NARF: variants seen among roughly 807,000 people sequenced by gnomAD.
NARF encodes nuclear prelamin A recognition factor, also known as iron-only hydrogenase-like protein 2.
A neutral mutation model predicts 48.0 loss-of-function variants in NARF; 41 were observed. That is an observed-to-expected ratio of 0.85 (90% confidence interval 0.66 to 1.11). NARF has a LOEUF of 1.11. NARF is among the 50% of genes least tolerant of loss of function. The pLI, the probability that NARF is intolerant of heterozygous loss-of-function variation, is 0.00. For missense variants in NARF, 613 were observed against 590.2 expected (o/e 1.04, Z -0.40); for synonymous variants, 215 against 225.5 (o/e 0.95, Z 0.42).
chr17:82,465,934 CTGACTTATATGCACT>C (rs886357581), intron 3 of NARF, among the ~76,000 whole-genome samples: 6 of 152,202 alleles, frequency 3.9e-5, no homozygotes, highest in Admixed American at 6.5e-5. Context: ...TGGGTGTACC[CTGACTTATATGCACT>C]TGCACGGGAA....
In NARF at chr17:82,484,945, C is replaced by T. The variant is rs752639467; in HGVS notation, c.966C>T (p.Ala322=). 1.9e-6 allele frequency: 3 copies of T among 1,606,548 alleles called. No homozygotes were observed. Among genetic ancestry groups the T allele is most frequent in the South Asian group, 2.2e-5 (2 of 89,850 alleles). ...ATGTGGAGGAGGTCACTTACCGAGC[C>T]CTGAGGTGTGGGGCAGTATCCACAG... The part of the protein sequence containing the change: ...NEDVEEVTYR[A]LRNKDFQEVT... Residue 322 remains alanine (A), a synonymous_variant, in exon 9 of 11, where the codon GCC becomes GCT. Transcript: ENST00000309794.
At chr17:82,483,899 GC>G (rs2044033434) in intron 8 of NARF, 120 bp downstream of exon 8, 1 of 877,822 alleles carries the variant, frequency 1.1e-6, no homozygotes. Flanking sequence ...GCACTGCGAT[GC>G]AGTCCCCCAG....
chr17:82,459,223 G>A (rs1474815596), intron 1 of NARF: 25 of 1,010,742 alleles, frequency 2.5e-5, no homozygotes, highest in Non-Finnish European at 2.7e-5. Context: ...GCCGGTGCAG[G>A]GGCGGAAGCG....
intron 2 of NARF, chr17:82,463,532 G>A (rs1456814991): frequency 2.0e-5 from 3 of 152,312 alleles, no homozygotes; most frequent in South Asian, 2.1e-4. Context: ...GCTTCATGCA[G>A]AAGGATGGCG....
intron 3 of NARF, among the ~76,000 whole-genome samples, chr17:82,467,700 C>T (rs543300756): frequency 6.7e-4 from 102 of 152,108 alleles, no homozygotes; most frequent in African/African-American, 2.1e-3. Flanking sequence ...AGATGGGTTT[C>T]GCCATGTTGG....
In NARF at chr17:82,468,844, C is replaced by T. The variant is rs758706077; in HGVS notation, c.333C>T (p.Asn111=). 8 of 1,614,010 alleles carry T rather than the reference C, an allele frequency of 5.0e-6. No homozygotes were observed. The East Asian group carries it at 1.6e-4, about 31-fold the overall frequency. ...TGCCTTATTTTGCTGCTAAATTCAA[C>T]CTCAGTGTAACTGATGCATCCAGAA... is the stretch of plus-strand genomic sequence containing the variant. ...QSLPYFAAKF[N]LSVTDASRRL... Residue 111 remains asparagine (N), a synonymous_variant, in exon 4 of 11, where the codon AAC becomes AAT. Transcript: ENST00000309794.
chr17:82,484,797 TTC>T lies in NARF; in HGVS notation c.834-12_834-11del, dbSNP rs771321578. The T allele has an allele frequency of 6.4e-7, 1 of 1,572,430 alleles. No homozygotes were observed. Among genetic ancestry groups the T allele is most frequent in the Non-Finnish European group, 8.6e-7 (1 of 1,157,492 alleles). On this transcript the variant is annotated splice_polypyrimidine_tract_variant and intron_variant, in intron 8 of 10. Transcript: ENST00000309794. ...TCAGCATTCATGAAGGACTTGTATTTTCTCTGCCTTGTGAGGTTTGGAGACTT... is the reference window on the plus strand; with the variant it reads ...TCAGCATTCATGAAGGACTTGTATTTTCTGCCTTGTGAGGTTTGGAGACTT...
Position 82,487,979 on chromosome 17 carries a change from G to T in NARF, c.1193G>T (p.Arg398Leu). Residue 398 changes from arginine to leucine, a missense_variant, in exon 11 of 11, where the codon CGG becomes CTG. Arg to Leu is a moderately radical substitution (Grantham distance 102). Transcript: ENST00000309794. ...GGACATGCGGATAAGGCCCTGCTGC[G>T]GCAGATGGAAGGCATTTACGCTGAC... ...PDGHADKALL[R>L]QMEGIYADIP... The T allele has an allele frequency of 6.2e-7, 1 of 1,614,196 alleles. No individual in the cohort carries two copies. Among genetic ancestry groups the T allele is most frequent in the Non-Finnish European group, 8.5e-7 (1 of 1,180,048 alleles).
chr17:82,480,419 A>G (rs1361400784), intron 6 of NARF: 4 of 401,972 alleles, frequency 1.0e-5, no homozygotes, highest in Non-Finnish European at 4.4e-6. Flanking sequence ...TCAGGAGGAA[A>G]TGGGCTCAGC....
rs1038558180 is a variant in NARF at position 82,487,775 on chromosome 17, C to T, written c.1130-141C>T. ...CCAGCCTGAGCAACATAGCAACACCCGCCCCTCCCGCCCAATCTCTACAAA... is the reference window on the plus strand; with the variant it reads ...CCAGCCTGAGCAACATAGCAACACCTGCCCCTCCCGCCCAATCTCTACAAA... On this transcript the variant is annotated intron_variant, in intron 10 of 10. Coordinates refer to ENST00000309794, the MANE Select transcript of NARF (RefSeq NM_012336.4). 2.4e-5 allele frequency: 13 copies of T among 533,690 alleles called. 2 individuals carry two copies. Among genetic ancestry groups the T allele is most frequent in the East Asian group, 1.3e-4 (3 of 23,916 alleles). 33.1% of individuals were successfully genotyped at this position (533,690 alleles called of 1,614,324 possible). A position where few individuals can be genotyped will look rare whatever the true frequency, so the allele number is the denominator to read the frequency against.
intron 7 of NARF, chr17:82,481,889 T>A: frequency 3.0e-6 from 1 of 330,336 alleles, no homozygotes; most frequent in Middle Eastern, 3.9e-4. Flanking sequence ...AGTCTGCACT[T>A]AAAACACAAG....
chr17:82,474,618 C>G (rs752110806), intron 5 of NARF, among the ~76,000 whole-genome samples: 3 of 152,168 alleles, frequency 2.0e-5, no homozygotes, highest in Non-Finnish European at 4.4e-5. Context: ...TTTATGCTCC[C>G]CCTACAATGG....
intron 5 of NARF, among the ~76,000 whole-genome samples, chr17:82,477,329 C>A (rs1328855330): frequency 1.3e-5 from 2 of 151,826 alleles, no homozygotes; most frequent in African/African-American, 2.4e-5. Context: ...CATGGTGAAA[C>A]CCTGTCTCTA....
intron 4 of NARF, 78 bp from the exon 5 acceptor site, chr17:82,472,483 CAAA>C (rs533007162): frequency 2.0e-3 from 2,422 of 1,182,256 alleles, no homozygotes; most frequent in South Asian, 3.1e-3. Flanking sequence ...GACTCCGTCT[CAAA>C]AAAAAAAAAA....
intron 5 of NARF, chr17:82,477,055 T>A (rs1011969156): frequency 1.3e-5 from 2 of 152,062 alleles, no homozygotes; most frequent in African/African-American, 4.8e-5. Context: ...AGCAGGATCT[T>A]ACTTTGTTGC....
At chr17:82,465,177 T>G (rs1464669681) in intron 3 of NARF, among the ~76,000 whole-genome samples, 1 of 152,094 alleles carries the variant, frequency 6.6e-6, no homozygotes, top group African/African-American at 2.4e-5. Context: ...CAACCAGATC[T>G]TGTGAGGACT....
At chr17:82,467,617 G>C (rs991571895) in intron 3 of NARF, among the ~76,000 whole-genome samples, 2 of 152,086 alleles carry the variant, frequency 1.3e-5, no homozygotes, top group African/African-American at 4.8e-5. Flanking sequence ...CGATTCTTCT[G>C]CCTCAGCCTC....
intron 5 of NARF, among the ~76,000 whole-genome samples, chr17:82,473,493 C>T (rs1382622941): frequency 2.6e-5 from 4 of 152,092 alleles, no homozygotes; most frequent in Middle Eastern, 3.4e-3. Flanking sequence ...GGACTACAGG[C>T]GCCTGCCACC....
intron 4 of NARF, among the ~76,000 whole-genome samples, chr17:82,469,537 G>C (rs2043648813): frequency 6.6e-6 from 1 of 152,134 alleles, no homozygotes; most frequent in African/African-American, 2.4e-5. Context: ...ATGATGGTCA[G>C]TGTGCAAGTT....
Sources: gnomAD v4.1 joint callset for allele counts (sites outside exome capture counted in the v4.1 genomes callset) on GRCh38, gnomAD v4.1.1 for gene constraint, MANE v1.5 for transcripts, NCBI Gene and HGNC (gene_info 2026-07-23, HGNC 2026-07-21) for gene names.